The following ADGRE2 variants were observed in gnomAD, a reference collection of about 807,000 sequenced individuals.
ADGRE2 encodes adhesion G protein-coupled receptor E2.
ADGRE2 carries 83 observed loss-of-function variants against 100.8 expected under a neutral mutation model. The observed-to-expected ratio is 0.82, with a 90% confidence interval of 0.69 to 0.99. The LOEUF (loss-of-function observed/expected upper bound fraction) is 0.99. ADGRE2 is among the 50% of genes least tolerant of loss of function. ADGRE2 has a pLI of 0.00. For missense variants in ADGRE2, 814 were observed against 1,035.7 expected (o/e 0.79, Z 2.94); for synonymous variants, 355 against 413.0 (o/e 0.86, Z 1.70).
At chr19:14,740,727 A>C (rs1439558684) in intron 20 of ADGRE2, among the ~76,000 whole-genome samples, 2 of 150,834 alleles carry the variant, frequency 1.3e-5, no homozygotes, top group Non-Finnish European at 2.9e-5. Context: ...AAGACTTTAA[A>C]AAATTTATTA....
At chr19:14,742,423 G>A (rs2042958986) in intron 20 of ADGRE2, among the ~76,000 whole-genome samples, 1 of 152,108 alleles carries the variant, frequency 6.6e-6, no homozygotes, top group African/African-American at 2.4e-5. Flanking sequence ...ATAGGGACGA[G>A]GTGTCACTGG....
intron 20 of ADGRE2, among the ~76,000 whole-genome samples, chr19:14,738,820 T>C (rs894944359): frequency 6.6e-6 from 1 of 152,212 alleles, no homozygotes; most frequent in Non-Finnish European, 1.5e-5. Context: ...ATAATTAATA[T>C]GTGCTCAAGA....
intron 17 of ADGRE2, among the ~76,000 whole-genome samples, 161 bp from the exon 18 acceptor site, chr19:14,746,484 TGTCTCA>T (rs1283853619): frequency 4.0e-5 from 6 of 151,736 alleles, no homozygotes; most frequent in Non-Finnish European, 7.4e-5. Context: ...GCGATTCTCC[TGTCTCA>T]GCCTCCCGAG....
At position 14,774,054 on chromosome 19, in the gene ADGRE2, C is replaced by A; in HGVS notation, c.83G>T (p.Gly28Val). The A allele has an allele frequency of 6.2e-7, 1 of 1,613,592 alleles. No homozygotes were observed. Among genetic ancestry groups the A allele is most frequent in the Non-Finnish European group, 8.5e-7 (1 of 1,179,748 alleles). Residue 28 changes from glycine to valine, a missense_variant and splice_region_variant, in exon 4 of 21, where the codon GGC (glycine) becomes GTC (valine). Physicochemically the swap from Gly to Val is moderately radical, Grantham distance 109 (BLOSUM62 -3). Transcript: ENST00000315576. ...GTCCTGAGGGCACCACCGGGCACAG[C>A]CTGCAAGAGCAGGGAGCACGGTCAG... is the stretch of plus-strand genomic sequence containing the variant. ...LPGAETQDSR[G>V]CARWCPQDSS...
chr19:14,758,916 C>T (rs1039780864), intron 11 of ADGRE2, among the ~76,000 whole-genome samples: 4 of 147,256 alleles, frequency 2.7e-5, no homozygotes, highest in Non-Finnish European at 4.5e-5. Context: ...AGAATAACTC[C>T]CTCTCCTGCA....
chr19:14,734,482 T>C lies in ADGRE2; in HGVS notation c.*1754A>G, dbSNP rs1192541875. On this transcript the variant is annotated 3_prime_UTR_variant, in exon 21 of 21. Transcript: ENST00000315576. ...GCTGCAGTGAGCAGTGTTTGTGCCA[T>C]TGTACTCCAGCATGGGTGACAAAGC... The C allele has an allele frequency of 1.3e-5, 2 of 152,192 alleles. No homozygotes were observed. Among genetic ancestry groups the C allele is most frequent in the East Asian group, 1.9e-4 (1 of 5,196 alleles). 9.4% of individuals were successfully genotyped at this position (152,192 alleles called of 1,614,324 possible).
In ADGRE2 at chr19:14,756,244, C is replaced by A. The variant is rs1422462198; in HGVS notation, c.1186G>T (p.Asp396Tyr). Residue 396 changes from aspartate (D) to tyrosine (Y), a missense_variant, in exon 12 of 21, where the codon GAC becomes TAC. By Grantham distance (160) the Asp-to-Tyr change is radical. Around this residue, in one of 5 missense-constraint regions of ADGRE2, gnomAD observed 569 missense variants for 692.7 expected, o/e 0.82. Coordinates refer to ENST00000315576, the MANE Select transcript of ADGRE2 (RefSeq NM_013447.4). ...TCCCCATCTCAGCCATTACCTGGGT[C>A]ACCAGATTTCTGTGCCTGATTCCAG... ...LDWNQAQKSG[D>Y]PGPSVVGLVS... is the part of the protein sequence containing the mutation. 1 of 1,612,784 alleles carries A rather than the reference C, an allele frequency of 6.2e-7. No individual in the cohort carries two copies. Among genetic ancestry groups the A allele is most frequent in the East Asian group, 2.2e-5 (1 of 44,870 alleles).
chr19:14,759,890 C>A (rs1015607419), intron 11 of ADGRE2, among the ~76,000 whole-genome samples: 1 of 145,708 alleles, frequency 6.9e-6, no homozygotes, highest in African/African-American at 2.6e-5. Context: ...ACCATCTTGG[C>A]TCACTGCAAG....
Position 14,764,551 on chromosome 19 carries a change from G to A in ADGRE2, c.966C>T (p.Pro322=), listed in dbSNP as rs1329976045. ...LEAPGDLETL[P]RLQQHCVASH... ...TGGCCACACAGTGCTGCTGTAAGCG[G>A]GGCAGGGTCTCCAGGTCCCCAGGGG... The change falls in exon 11 of 21, where the codon CCC becomes CCT. Residue 322 remains proline (P), a synonymous_variant. Transcript: ENST00000315576. 6.2e-7 allele frequency: 1 copy of A among 1,612,956 alleles called. No homozygotes were observed. Among genetic ancestry groups the A allele is most frequent in the Non-Finnish European group, 8.5e-7 (1 of 1,179,940 alleles).
intron 14 of ADGRE2, among the ~76,000 whole-genome samples, chr19:14,752,824 T>G (rs1599822669): frequency 6.6e-6 from 1 of 151,376 alleles, no homozygotes; most frequent in Non-Finnish European, 1.5e-5. Context: ...CAGGCTGGAG[T>G]GCAGTGGTGC....
intron 11 of ADGRE2, among the ~76,000 whole-genome samples, chr19:14,761,219 T>C (rs754515240): frequency 3.3e-5 from 5 of 152,164 alleles, no homozygotes; most frequent in Admixed American, 1.3e-4. Flanking sequence ...CTGGTTAACA[T>C]GGCGAAACCC....
At chr19:14,761,522 GTCTT>G (rs2043723049) in intron 11 of ADGRE2, among the ~76,000 whole-genome samples, 1 of 151,982 alleles carries the variant, frequency 6.6e-6, no homozygotes, top group Non-Finnish European at 1.5e-5. Flanking sequence ...TCCTGGGTAA[GTCTT>G]TCCTTTTAAT....
chr19:14,752,865 C>T (rs969200762), intron 14 of ADGRE2, among the ~76,000 whole-genome samples: 5 of 151,738 alleles, frequency 3.3e-5, no homozygotes, highest in South Asian at 2.1e-4. Context: ...TCTGTCTCCT[C>T]GGTTCAAGCG....
intron 13 of ADGRE2, 144 bp from the exon 14 acceptor site, chr19:14,755,271 TAAAAAAAAAAAAAA>T (rs35861940): frequency 2.8e-6 from 1 of 363,520 alleles, no homozygotes; most frequent in Admixed American, 6.6e-5. Flanking sequence ...CCATCTCTAC[TAAAAAAAAAAAAAA>T]AAAAAAAAAA....
rs1392775625 is a variant in ADGRE2 at position 14,756,335 on chromosome 19, C to A, written c.1095G>T (p.Leu365=). The part of the protein sequence containing the change: ...FSYPAGTELS[L]EVQKQVDRSV... ...TCCTGTCTACTTGCTTCTGCACCTC[C>A]AGGGACAATTCTATGAGTTGTGGGA... The change falls in exon 12 of 21, where the codon CTG becomes CTT. Residue 365 remains leucine, a synonymous_variant. Coordinates refer to ENST00000315576, the MANE Select transcript of ADGRE2 (RefSeq NM_013447.4). 2 of 1,613,224 alleles carry A rather than the reference C, an allele frequency of 1.2e-6. No homozygotes were observed. Among genetic ancestry groups the A allele is most frequent in the African/African-American group, 2.7e-5 (2 of 74,908 alleles).
chr19:14,745,427 C>T (rs76008372), intron 18 of ADGRE2, among the ~76,000 whole-genome samples: 1,544 of 152,206 alleles, frequency 0.01, 24 homozygotes, highest in East Asian at 0.067. Flanking sequence ...AAATTCTCCC[C>T]TCTAGCTATT....
At chr19:14,725,172 T>C in the ADGRE2 span, among the ~76,000 whole-genome samples, 2 of 152,004 alleles carry the variant, frequency 1.3e-5, no homozygotes, top group Non-Finnish European at 2.9e-5. Context: ...CAGGGGAGAT[T>C]GCATGCTCTT....
At chr19:14,740,879 G>A (rs992475639) in intron 20 of ADGRE2, among the ~76,000 whole-genome samples, 2 of 151,730 alleles carry the variant, frequency 1.3e-5, no homozygotes, top group African/African-American at 4.8e-5. Context: ...TGGGATTATA[G>A]GCATGCACCA....
In ADGRE2 at chr19:14,734,606, T is replaced by C. The variant is rs2042716838; in HGVS notation, c.*1630A>G. ...GAGATTTCATATATTTTTGTATTTT[T>C]ACTAGAGACAAGATTTCACCATGTT... On this transcript the variant is annotated 3_prime_UTR_variant, in exon 21 of 21. Transcript: ENST00000315576. 1 of 152,194 alleles carries C rather than the reference T, an allele frequency of 6.6e-6. No homozygotes were observed. Among genetic ancestry groups the C allele is most frequent in the Non-Finnish European group, 1.5e-5 (1 of 68,036 alleles). The allele number at this position is 152,194 out of a possible 1,614,324, so 9.4% of individuals were successfully genotyped here.
Sources: allele counts gnomAD v4.1 joint callset (sites outside exome capture counted in the v4.1 genomes callset), GRCh38; gene constraint gnomAD v4.1.1; regional missense constraint gnomAD v4.1.1; transcripts MANE v1.5; gene names NCBI Gene and HGNC (gene_info 2026-07-23, HGNC 2026-07-21).